UBTD2: variants seen among roughly 807,000 people sequenced by gnomAD.
UBTD2 encodes the protein ubiquitin domain-containing protein 2.
A neutral mutation model predicts 19.8 loss-of-function variants in UBTD2; 9 were observed. The observed-to-expected ratio is 0.46, with a 90% confidence interval of 0.27 to 0.79. UBTD2 has a LOEUF of 0.79. UBTD2 is among the 30% of genes least tolerant of loss of function. The pLI, the probability that UBTD2 is intolerant of heterozygous loss-of-function variation, is 0.14. For missense variants in UBTD2, 250 were observed against 300.4 expected, an observed-to-expected ratio of 0.83 and a Z score of 1.24; for synonymous variants, 98 against 103.9, an observed-to-expected ratio of 0.94 and a Z score of 0.35.
intron 1 of UBTD2, among the ~76,000 whole-genome samples, chr5:172,282,347 A>G (rs1371838608): frequency 1.3e-5 from 2 of 152,206 alleles, no homozygotes; most frequent in Non-Finnish European, 2.9e-5. Context: ...CTTTTTCAAG[A>G]CAACTTCCAC....
chr5:172,218,971 A>C (rs957333556), intron 2 of UBTD2, among the ~76,000 whole-genome samples: 2 of 152,154 alleles, frequency 1.3e-5, no homozygotes, highest in South Asian at 2.1e-4. Context: ...TACAGATCCC[A>C]CAGATGTTGA....
intron 1 of UBTD2, among the ~76,000 whole-genome samples, chr5:172,236,723 G>A (rs1478175851): frequency 6.6e-6 from 1 of 152,162 alleles, no homozygotes; most frequent in African/African-American, 2.4e-5. Context: ...TATTTCTACA[G>A]AATTATCTGG....
intron 1 of UBTD2, among the ~76,000 whole-genome samples, chr5:172,274,226 C>T (rs1047330328): frequency 1.3e-5 from 2 of 150,944 alleles, no homozygotes; most frequent in Non-Finnish European, 2.9e-5. Flanking sequence ...CTGCAACCTC[C>T]ACCTCCCGGG....
rs1283311969 is a variant in UBTD2, at chr5:172,283,567, G to C, written c.70+29C>G. ...CGGGCCTGGCCGGGAACAATGGGGG[G>C]CCGAGGCTGCCCCCTGGCGCTCACC... On this transcript the variant is annotated intron_variant, in intron 1 of 2. Transcript: ENST00000393792. The surrounding 1 kb of genome is among the most constrained non-coding windows in gnomAD (Gnocchi z 4.3). The C allele has an allele frequency of 3.1e-6, 4 of 1,287,856 alleles. 1 individual carries two copies. The South Asian group carries it at 8.2e-5, about 26-fold the overall frequency. 79.8% of individuals were successfully genotyped at this position (1,287,856 alleles called of 1,614,324 possible).
chr5:172,234,403 A>T (rs762549437), intron 1 of UBTD2, 45 bp from the exon 2 acceptor site: 112 of 1,513,682 alleles, frequency 7.4e-5, no homozygotes, highest in Non-Finnish European at 1.0e-4. Context: ...AAAATTTATA[A>T]AATATGTATC....
At chr5:172,255,873 G>C (rs1755136702) in intron 1 of UBTD2, among the ~76,000 whole-genome samples, 1 of 152,166 alleles carries the variant, frequency 6.6e-6, no homozygotes, top group Non-Finnish European at 1.5e-5. Context: ...TGGATCACCT[G>C]AGGTCAGGAG....
Position 172,227,618 on chromosome 5 carries a change from C to T in UBTD2, c.307+6504G>A, listed in dbSNP as rs749751533. ...CAGGATGGTCTCGATCTCCTGACCTCATGATCTGCCTGCCTTGGCCTCCCA... is the reference window on the plus strand; with the variant it reads ...CAGGATGGTCTCGATCTCCTGACCTTATGATCTGCCTGCCTTGGCCTCCCA... On this transcript the variant is annotated intron_variant, in intron 2 of 2. Coordinates refer to ENST00000393792, the MANE Select transcript of UBTD2 (RefSeq NM_152277.3). 2.0e-4 allele frequency among the ~76,000 whole-genome samples: 30 copies of T among 151,208 alleles called. 1 individual carries two copies. The highest frequency in any genetic ancestry group is 4.3e-4 in the Non-Finnish European group (29 of 67,910).
At chr5:172,221,958 G>T (rs1465775803) in intron 2 of UBTD2, among the ~76,000 whole-genome samples, 4 of 152,172 alleles carry the variant, frequency 2.6e-5, no homozygotes, top group East Asian at 3.9e-4. Context: ...GGAGCAGGGG[G>T]TATATGGGAA....
chr5:172,241,066 T>A (rs1460791236), intron 1 of UBTD2, among the ~76,000 whole-genome samples: 4 of 147,554 alleles, frequency 2.7e-5, no homozygotes, highest in Non-Finnish European at 6.0e-5. Flanking sequence ...TTTTTTTTTT[T>A]ATTGTAGAGA....
rs1283900182 is a variant in UBTD2 at position 172,283,745 on chromosome 5, G to T, written c.-80C>A. On this transcript the variant is annotated 5_prime_UTR_variant, in exon 1 of 3. Transcript: ENST00000393792. The surrounding 1 kb of genome is among the most constrained non-coding windows in gnomAD (Gnocchi z 4.3). ...CGCCGCCGCTGCAGCCTCCTCCGGC[G>T]CCACCGCCGAGCTCCGGACAGGCGC... 1 of 1,052,026 alleles carries T rather than the reference G, an allele frequency of 9.5e-7. No homozygotes were observed. Among genetic ancestry groups the T allele is most frequent in the Middle Eastern group, 3.8e-4 (1 of 2,620 alleles). The allele number at this position is 1,052,026 out of a possible 1,614,324, so 65.2% of individuals were successfully genotyped here. A position where few individuals can be genotyped will look rare whatever the true frequency, so the allele number is the denominator to read the frequency against.
chr5:172,252,048 T>C (rs751071446), intron 1 of UBTD2, among the ~76,000 whole-genome samples: 15 of 152,192 alleles, frequency 9.9e-5, no homozygotes, highest in Non-Finnish European at 1.2e-4. Flanking sequence ...AAATGTACAC[T>C]GAATTAGAAG....
chr5:172,241,643 CA>C (rs1315929035), intron 1 of UBTD2, among the ~76,000 whole-genome samples: 1 of 152,052 alleles, frequency 6.6e-6, no homozygotes, highest in Non-Finnish European at 1.5e-5. Context: ...CCAGGTATTA[CA>C]AAACCTCTAT....
chr5:172,239,309 G>A (rs1288677571), intron 1 of UBTD2, among the ~76,000 whole-genome samples: 1 of 152,144 alleles, frequency 6.6e-6, no homozygotes, highest in African/African-American at 2.4e-5. Context: ...AGATCTCACT[G>A]GGTGCGGTGG....
chr5:172,237,288 T>C (rs1180537242), intron 1 of UBTD2, among the ~76,000 whole-genome samples: 1 of 152,102 alleles, frequency 6.6e-6, no homozygotes, highest in African/African-American at 2.4e-5. Flanking sequence ...GAGACGGGGT[T>C]TCACCATATT....
intron 1 of UBTD2, among the ~76,000 whole-genome samples, chr5:172,240,933 T>C (rs1772114001): frequency 1.3e-5 from 2 of 152,044 alleles, no homozygotes; most frequent in South Asian, 4.1e-4. Context: ...CATAAATACA[T>C]ATATATAAAT....
chr5:172,214,783 C>A (rs1228602845), intron 2 of UBTD2, among the ~76,000 whole-genome samples: 3 of 152,104 alleles, frequency 2.0e-5, no homozygotes, highest in African/African-American at 7.2e-5. Flanking sequence ...CTTCTTTCTA[C>A]AAAATTATAA....
chr5:172,253,423 G>C (rs955066981), intron 1 of UBTD2, among the ~76,000 whole-genome samples: 2 of 151,214 alleles, frequency 1.3e-5, no homozygotes, highest in African/African-American at 4.9e-5. Context: ...CAAATCAACT[G>C]ACAAAATTGA....
intron 1 of UBTD2, among the ~76,000 whole-genome samples, chr5:172,252,657 A>C (rs1007662522): frequency 4.6e-5 from 7 of 152,120 alleles, no homozygotes; most frequent in African/African-American, 1.7e-4. Context: ...TTCTATCTGA[A>C]GTTTCCTCTG....
intron 1 of UBTD2, among the ~76,000 whole-genome samples, chr5:172,246,793 T>C (rs1317155918): frequency 7.6e-6 from 1 of 131,586 alleles, no homozygotes; most frequent in Non-Finnish European, 1.6e-5. Context: ...AGACAGAGTC[T>C]TGCTCTGTCA....
Sources: gnomAD v4.1 joint callset for allele counts (sites outside exome capture counted in the v4.1 genomes callset) on GRCh38, gnomAD v4.1.1 for gene constraint, Gnocchi (gnomAD v3.1) non-coding constraint, MANE v1.5 for transcripts, NCBI Gene and HGNC (gene_info 2026-07-23, HGNC 2026-07-21) for gene names.